Variants in CCZ1 observed in about 807,000 individuals in gnomAD.
The protein encoded by CCZ1 is vacuolar fusion protein CCZ1 homolog.
A neutral mutation model predicts 57.8 loss-of-function variants in CCZ1; 19 were observed. That is an observed-to-expected ratio of 0.33 (90% CI 0.23 to 0.48). CCZ1 has a LOEUF of 0.48. CCZ1 is among the 20% of genes least tolerant of loss of function. The pLI, the probability that CCZ1 is intolerant of heterozygous loss-of-function variation, is 0.99. For synonymous variants in CCZ1, 81 were observed against 167.0 expected (o/e 0.49, Z 3.97); for missense variants, 200 against 492.0 (o/e 0.41, Z 5.61).
chr7:5,905,836 A>G (rs1417448583), intron 7 of CCZ1, among the ~76,000 whole-genome samples: 2 of 120,160 alleles, frequency 1.7e-5, no homozygotes, highest in African/African-American at 6.2e-5. Context: ...AGTAAGGTTT[A>G]GGAATCCTGT....
intron 10 of CCZ1, among the ~76,000 whole-genome samples, 159 bp downstream of exon 10, chr7:5,913,113 ATAAGTT>A: frequency 6.7e-6 from 1 of 148,578 alleles, no homozygotes; most frequent in East Asian, 2.1e-4. Context: ...TTCCAGCGTA[ATAAGTT>A]TATTTTCAGC....
intron 7 of CCZ1, among the ~76,000 whole-genome samples, chr7:5,908,122 A>C (rs373184542): frequency 7.0e-6 from 1 of 142,472 alleles, no homozygotes; most frequent in Non-Finnish European, 1.5e-5. Context: ...AAAGAAAAAC[A>C]GCACGTTTTG....
chr7:5,907,764 C>G (rs918068053), intron 7 of CCZ1, among the ~76,000 whole-genome samples: 4 of 126,346 alleles, frequency 3.2e-5, no homozygotes, highest in African/African-American at 1.2e-4. Flanking sequence ...CCAGTGTGCT[C>G]GTGGGGAAAG....
intron 6 of CCZ1, among the ~76,000 whole-genome samples, chr7:5,903,429 C>T (rs2906501): frequency 0.12 from 17,877 of 144,074 alleles, 1,760 homozygotes; most frequent in Non-Finnish European, 0.17. Flanking sequence ...TAGTTTATCT[C>T]GAAGCAACAA....
Position 5,913,088 on chromosome 7 carries a change from T to G in CCZ1, c.954+134T>G, listed in dbSNP as rs1239590739. 3 of 733,480 alleles carry G rather than the reference T, an allele frequency of 4.1e-6. No homozygotes were observed. The Admixed American group carries it at 9.0e-5, about 22-fold the overall frequency. The allele number at this position is 733,480 out of a possible 1,614,324, so 45.4% of individuals were successfully genotyped here. On this transcript the variant is annotated intron_variant, in intron 10 of 14. Coordinates refer to ENST00000325974, the MANE Select transcript of CCZ1 (RefSeq NM_015622.6). ...TTGGAAGTTCTGATTATGGTAAAAC[T>G]CAAAATGGGTGTTCTTCCAGCGTAA...
chr7:5,905,358 G>T (rs1352704037), intron 7 of CCZ1, 89 bp downstream of exon 7: 6 of 725,900 alleles, frequency 8.3e-6, no homozygotes, highest in Non-Finnish European at 1.3e-5. Context: ...TGTCAAACAG[G>T]AACTTGCAGC....
At position 5,923,054 on chromosome 7, in the gene CCZ1, C is replaced by T. The variant is rs1262206768; in HGVS notation, c.1107-333C>T. On this transcript the variant is annotated intron_variant, in intron 12 of 14. Transcript: ENST00000325974. ...AGGGCCAGGGCCGGGCGCGGGGGCT[C>T]ACGCCTGTAATCCCTGCACTTTGGG... Among the ~76,000 whole-genome samples, 7 of 130,088 alleles carry T rather than the reference C, an allele frequency of 5.4e-5. No homozygotes were observed. The East Asian group carries it at 6.8e-4, about 13-fold the overall frequency. The allele number at this position is 130,088 out of a possible 152,430, so 85.3% of individuals were successfully genotyped here. A position where few individuals can be genotyped will look rare whatever the true frequency, so the allele number is the denominator to read the frequency against.
intron 7 of CCZ1, among the ~76,000 whole-genome samples, chr7:5,906,605 G>C (rs1781832140): frequency 6.7e-6 from 1 of 148,820 alleles, no homozygotes; most frequent in African/African-American, 2.5e-5. Context: ...TTACAGGTGT[G>C]AGCCACTGCA....
chr7:5,910,271 A>C, intron 8 of CCZ1, 155 bp downstream of exon 8: 1 of 596,924 alleles, frequency 1.7e-6, no homozygotes, highest in East Asian at 3.3e-5. Flanking sequence ...ATTAGCACAG[A>C]AAACCACATG....
At chr7:5,924,212 C>G (rs1343292423) in intron 14 of CCZ1, among the ~76,000 whole-genome samples, 2 of 69,160 alleles carry the variant, frequency 2.9e-5, no homozygotes, top group African/African-American at 5.1e-5. Flanking sequence ...AAAAAAATGA[C>G]TTTATATTAA....
chr7:5,898,915 G>C lies in CCZ1; in HGVS notation c.116G>C (p.Gly39Ala). 6.1e-6 allele frequency: 3 copies of C among 489,886 alleles called. No individual in the cohort carries two copies. The highest frequency in any genetic ancestry group is 9.8e-6 in the Non-Finnish European group (3 of 304,790). 30.3% of individuals were successfully genotyped at this position (489,886 alleles called of 1,614,324 possible). ...AACCCGCGCTTCGGGCCGCGCGAAGGACAGGTATGCGGAGGGGGCGGCGCG... is the reference window on the plus strand; with the variant it reads ...AACCCGCGCTTCGGGCCGCGCGAAGCACAGGTATGCGGAGGGGGCGGCGCG... ...IYNPRFGPRE[G>A]QEENKILFYH... The change falls in exon 1 of 15, where the codon GGA (glycine) becomes GCA (alanine). Residue 39 changes from glycine (G) to alanine (A), a missense_variant. Transcript: ENST00000325974.
At chr7:5,912,010 G>C (rs1779050060) in intron 9 of CCZ1, 88 bp downstream of exon 9, 15 of 1,574,530 alleles carry the variant, frequency 9.5e-6, no homozygotes, top group Non-Finnish European at 1.3e-5. Flanking sequence ...CTGGAGAGCA[G>C]TGGCAAGATC....
chr7:5,910,555 T>C (rs377211593), intron 8 of CCZ1, among the ~76,000 whole-genome samples: 3 of 145,616 alleles, frequency 2.1e-5, no homozygotes, highest in African/African-American at 7.5e-5. Flanking sequence ...CTCGAACTCC[T>C]GACCTTGTGA....
intron 8 of CCZ1, 68 bp from the exon 9 acceptor site, chr7:5,911,793 G>C: frequency 1.8e-6 from 2 of 1,087,446 alleles, no homozygotes; most frequent in Middle Eastern, 2.7e-4. Flanking sequence ...AGATAATGCT[G>C]TTTTTCAAAG....
At chr7:5,914,609 C>T (rs1779113948) in intron 10 of CCZ1, among the ~76,000 whole-genome samples, 1 of 148,956 alleles carries the variant, frequency 6.7e-6, no homozygotes, top group Non-Finnish European at 1.5e-5. Flanking sequence ...GGCATGGTGG[C>T]TCATGCCTAT....
At position 5,924,062 on chromosome 7, in the gene CCZ1, G is replaced by GT. The variant is rs1779303900; in HGVS notation, c.1393+102dup. 2.0e-5 allele frequency: 12 copies of GT among 596,286 alleles called. No individual in the cohort carries two copies. In the South Asian group the frequency reaches 2.1e-4, roughly 10 times the overall value. The allele number at this position is 596,286 out of a possible 1,614,324, so 36.9% of individuals were successfully genotyped here. ...TAGGTAAATAGAACAAATCATGACT[G>GT]TTGAGATTCTAAGCAGGTGCCTCTG... On this transcript the variant is annotated intron_variant, in intron 14 of 14. Transcript: ENST00000325974.
At chr7:5,922,034 G>C (rs1779249894) in intron 12 of CCZ1, among the ~76,000 whole-genome samples, 1 of 147,814 alleles carries the variant, frequency 6.8e-6, no homozygotes, top group Non-Finnish European at 1.5e-5. Context: ...TTGTATTTTT[G>C]GTAGAGGCGG....
At chr7:5,904,907 A>G (rs377735815) in intron 6 of CCZ1, among the ~76,000 whole-genome samples, 187 bp from the exon 7 acceptor site, 3 of 148,416 alleles carry the variant, frequency 2.0e-5, no homozygotes, top group African/African-American at 7.6e-5. Flanking sequence ...TGTATCTTGG[A>G]ATTGGTACTG....
Position 5,900,404 on chromosome 7 carries a change from T to C in CCZ1, c.218+23T>C, listed in dbSNP as rs1320295107. The C allele has an allele frequency of 8.4e-6, 13 of 1,550,934 alleles. 1 individual carries two copies. The highest frequency in any genetic ancestry group is 1.0e-5 in the Non-Finnish European group (12 of 1,144,790). On this transcript the variant is annotated intron_variant, in intron 2 of 14. Coordinates refer to ENST00000325974, the MANE Select transcript of CCZ1 (RefSeq NM_015622.6). ...AAGGTAATACCTCTAAGTGTGCTTT[T>C]AGCGTTCAGTGAATTCTTAAAACTG...
Sources: gnomAD v4.1 joint callset for allele counts (sites outside exome capture counted in the v4.1 genomes callset) on GRCh38, gnomAD v4.1.1 for gene constraint, MANE v1.5 for transcripts, NCBI Gene and HGNC (gene_info 2026-07-23, HGNC 2026-07-21) for gene names.